The following PRR4 variants were observed in gnomAD, a reference collection of about 807,000 sequenced individuals.
The protein encoded by PRR4 is proline rich 4.
In PRR4, 7 loss-of-function variants were observed where a neutral mutation model predicts 7.6. The observed-to-expected ratio is 0.92, with a 90% CI of 0.52 to 1.73. PRR4 has a LOEUF of 1.73. Ranked by LOEUF, PRR4 falls within the 40% of genes most tolerant of loss-of-function variation. PRR4 has a pLI of 0.00. For synonymous variants in PRR4, 64 were observed against 58.5 expected (o/e 1.09, Z -0.43); for missense variants, 187 against 161.0 (o/e 1.16, Z -0.87).
chr12:10,847,661 G>GAA (rs200802133), intron 2 of PRR4, among the ~76,000 whole-genome samples: 11 of 123,700 alleles, frequency 8.9e-5, no homozygotes, highest in African/African-American at 2.9e-4. Flanking sequence ...TCCAAGGACA[G>GAA]AAAAAAAAAA....
At position 10,847,171 on chromosome 12, in the gene PRR4, G is replaced by A. The variant is rs1949029192; in HGVS notation, c.297C>T (p.His99=). ...GAAATCGGGGTAGAGAGAGTTGACGGTGTCCTCGTCGGGGTGGTCGTTGCT... is the reference window on the plus strand; with the variant it reads ...GAAATCGGGGTAGAGAGAGTTGACGATGTCCTCGTCGGGGTGGTCGTTGCT... ...QNQQRPPRRG[H]RQLSLPRFPS... Residue 99 remains histidine (H), a synonymous_variant, in exon 3 of 4, where the codon CAC becomes CAT. Coordinates refer to ENST00000228811, the MANE Select transcript of PRR4 (RefSeq NM_007244.3). The A allele has an allele frequency of 9.9e-6, 16 of 1,613,874 alleles. No homozygotes were observed. Among genetic ancestry groups the A allele is most frequent in the Non-Finnish European group, 1.4e-5 (16 of 1,179,902 alleles).
intron 2 of PRR4, 46 bp from the exon 3 acceptor site, chr12:10,847,413 A>G: frequency 7.2e-7 from 1 of 1,385,962 alleles, no homozygotes; most frequent in Non-Finnish European, 9.7e-7. Context: ...TCAGTGAAGA[A>G]AAACTCTCCT....
Position 10,847,306 on chromosome 12 carries a change from G to A in PRR4, c.162C>T (p.Leu54=), listed in dbSNP as rs771205189. 6.3e-7 allele frequency: 1 copy of A among 1,598,110 alleles called. No homozygotes were observed. The highest frequency in any genetic ancestry group is 1.1e-5 in the South Asian group (1 of 88,802). Residue 54 remains leucine (L), a synonymous_variant, in exon 3 of 4, where the codon CTC becomes CTT. Transcript: ENST00000228811. The stretch of plus-strand genomic sequence containing the variant: ...CACTATCACCAGGGGGTCTAGGTAG[G>A]AGTCCTTCAGGAGGAGGTCTCTGGG... The part of the protein sequence containing the change: ...QGPQRPPPEG[L]LPRPPGDSGN...
At chr12:10,849,233 G>T in intron 1 of PRR4, 141 bp downstream of exon 1, 1 of 417,694 alleles carries the variant, frequency 2.4e-6, no homozygotes, top group Non-Finnish European at 4.3e-6. Context: ...GAGCTCCAAA[G>T]CCCTACCCTT....
At chr12:10,847,397 A>C (rs745899434) in intron 2 of PRR4, 30 bp from the exon 3 acceptor site, 3 of 1,440,686 alleles carry the variant, frequency 2.1e-6, no homozygotes, top group Non-Finnish European at 2.8e-6. Context: ...ACAAGAATGC[A>C]TGAGCTCAGT....
At position 10,847,026 on chromosome 12, in the gene PRR4, G is replaced by C; in HGVS notation, c.*18+19C>G. On this transcript the variant is annotated intron_variant, in intron 3 of 3. Transcript: ENST00000228811. ...GGTAGCAGTTTGGGCATTTAATGGA[G>C]AATGAACTGGAATCATACCTGCCAC... The C allele has an allele frequency of 1.3e-6, 2 of 1,512,682 alleles. No individual in the cohort carries two copies. Among genetic ancestry groups the C allele is most frequent in the Non-Finnish European group, 1.8e-6 (2 of 1,123,356 alleles). The allele number at this position is 1,512,682 out of a possible 1,614,324, so 93.7% of individuals were successfully genotyped here. A position where few individuals can be genotyped will look rare whatever the true frequency, so the allele number is the denominator to read the frequency against.
chr12:10,849,241 C>T (rs780743762), intron 1 of PRR4, 133 bp downstream of exon 1: 11 of 438,596 alleles, frequency 2.5e-5, no homozygotes, highest in Non-Finnish European at 4.5e-5. Flanking sequence ...AAGCCCTACC[C>T]TTCTTCTCAA....
chr12:10,847,015 C>T lies in PRR4; in HGVS notation c.*18+30G>A, dbSNP rs138794458. 76 of 1,488,180 alleles carry T rather than the reference C, an allele frequency of 5.1e-5. 1 individual carries two copies. The African/African-American group carries it at 9.7e-4, about 19-fold the overall frequency. The allele number at this position is 1,488,180 out of a possible 1,614,324, so 92.2% of individuals were successfully genotyped here. On this transcript the variant is annotated intron_variant, in intron 3 of 3. Coordinates refer to ENST00000228811, the MANE Select transcript of PRR4 (RefSeq NM_007244.3). ...AGTTTGGGAATGGTAGCAGTTTGGG[C>T]ATTTAATGGAGAATGAACTGGAATC... is the stretch of plus-strand genomic sequence containing the variant.
rs764945991 is a variant in PRR4, at chr12:10,848,353, G to A, written c.100+19C>T. The A allele has an allele frequency of 1.3e-6, 2 of 1,595,468 alleles. No homozygotes were observed. Among genetic ancestry groups the A allele is most frequent in the Admixed American group, 3.4e-5 (2 of 59,636 alleles). ...GAAAAAGAAAGAAAAGAATTGGATT[G>A]AGGATCATTGGGATTTACCTGGTAT... is the stretch of plus-strand genomic sequence containing the variant. On this transcript the variant is annotated intron_variant, in intron 2 of 3. Transcript: ENST00000228811.
At chr12:10,849,172 A>C in intron 1 of PRR4, 1 of 282,296 alleles carries the variant, frequency 3.5e-6, no homozygotes. Flanking sequence ...CAAATAAAGT[A>C]TAAGGCCTTG....
chr12:10,847,163 A>G lies in PRR4; in HGVS notation c.305T>C (p.Leu102Pro). The stretch of plus-strand genomic sequence containing the variant: ...GACAGAAGGAAATCGGGGTAGAGAG[A>G]GTTGACGGTGTCCTCGTCGGGGTGG... ...QRPPRRGHRQLSLPRFPSVSL... is the reference protein window; with the variant it reads ...QRPPRRGHRQPSLPRFPSVSL... The change falls in exon 3 of 4, where the codon CTC becomes CCC. Residue 102 changes from leucine (L) to proline (P), a missense_variant. Transcript: ENST00000228811. 1 of 1,613,776 alleles carries G rather than the reference A, an allele frequency of 6.2e-7. No homozygotes were observed. The highest frequency in any genetic ancestry group is 8.5e-7 in the Non-Finnish European group (1 of 1,179,844).
At chr12:10,846,019 T>G (rs1205532099) in intron 3 of PRR4, 69 bp from the exon 4 acceptor site, 1 of 1,036,782 alleles carries the variant, frequency 9.6e-7, no homozygotes, top group African/African-American at 1.7e-5. Flanking sequence ...ATCTAATTCC[T>G]TGATGATATT....
intron 1 of PRR4, 172 bp downstream of exon 1, chr12:10,849,202 C>G (rs1949062642): frequency 2.8e-6 from 1 of 356,524 alleles, no homozygotes; most frequent in Non-Finnish European, 5.2e-6. Context: ...GAGGGCACAA[C>G]AGATGTCATC....
At chr12:10,849,263 C>T (rs1949063771) in intron 1 of PRR4, 111 bp downstream of exon 1, 1 of 499,516 alleles carries the variant, frequency 2.0e-6, no homozygotes, top group South Asian at 4.2e-5. Context: ...CTCCTTCCTC[C>T]CCTCCTGCTC....
chr12:10,846,087 G>A lies in PRR4; in HGVS notation c.*19-137C>T, dbSNP rs1949013454. 7 of 591,446 alleles carry A rather than the reference G, an allele frequency of 1.2e-5. No homozygotes were observed. In the East Asian group the frequency reaches 2.4e-4, roughly 20 times the overall value. The allele number at this position is 591,446 out of a possible 1,614,324, so 36.6% of individuals were successfully genotyped here. A position where few individuals can be genotyped will look rare whatever the true frequency, so the allele number is the denominator to read the frequency against. ...AAACAGATTTTTTTATGGTGTTTATGTTTTGGTTACTGTTCAAAACATTCA... is the reference window on the plus strand; with the variant it reads ...AAACAGATTTTTTTATGGTGTTTATATTTTGGTTACTGTTCAAAACATTCA... On this transcript the variant is annotated intron_variant, in intron 3 of 3. Coordinates refer to ENST00000228811, the MANE Select transcript of PRR4 (RefSeq NM_007244.3).
chr12:10,846,285 ATCTATAGGTC>A lies in PRR4; in HGVS notation c.*19-345_*19-336del, dbSNP rs1949015921. On this transcript the variant is annotated intron_variant, in intron 3 of 3. Coordinates refer to ENST00000228811, the MANE Select transcript of PRR4 (RefSeq NM_007244.3). ...AATGTACAAATAAATCACCAAGAAGATCTATAGGTCTCCGTGAAATGATAAAGTTGTCTAA... is the reference window on the plus strand; with the variant it reads ...AATGTACAAATAAATCACCAAGAAGATCCGTGAAATGATAAAGTTGTCTAA... 2.6e-5 allele frequency among the ~76,000 whole-genome samples: 4 copies of A among 152,334 alleles called. No homozygotes were observed. In the South Asian group the frequency reaches 6.2e-4, roughly 24 times the overall value.
chr12:10,847,209 G>T lies in PRR4; in HGVS notation c.259C>A (p.Pro87Thr), dbSNP rs371170074. ...GGHHRHPPPPPFQNQQRPPRR... is the reference protein window; with the variant it reads ...GGHHRHPPPPTFQNQQRPPRR... ...GGTGGTCGTTGCTGATTTTGAAAAG[G>T]AGGTGGGGGAGGATGGCGGTGATGG... Residue 87 changes from proline to threonine, a missense_variant, in exon 3 of 4, where the codon CCT becomes ACT. Physicochemically the swap from Pro to Thr is conservative, Grantham distance 38. Transcript: ENST00000228811. 2 of 1,613,776 alleles carry T rather than the reference G, an allele frequency of 1.2e-6. No individual in the cohort carries two copies. Among genetic ancestry groups the T allele is most frequent in the African/African-American group, 2.7e-5 (2 of 74,950 alleles).
rs1237969207 is a variant in PRR4 at position 10,848,376 on chromosome 12, T to C, written c.96A>G (p.Ile32Met). The C allele has an allele frequency of 6.2e-7, 1 of 1,609,016 alleles. No individual in the cohort carries two copies. Among genetic ancestry groups the C allele is most frequent in the Non-Finnish European group, 8.5e-7 (1 of 1,175,626 alleles). ...TTGAGGATCATTGGGATTTACCTGG[T>C]ATGGTGAAAGTAAAGTCTTCATAGT... is the stretch of plus-strand genomic sequence containing the variant. ...DVNYEDFTFT[I>M]PDVEDSSQRP... The change falls in exon 2 of 4, where the codon ATA becomes ATG. Residue 32 changes from isoleucine to methionine, a missense_variant. Transcript: ENST00000228811.
Position 10,845,957 on chromosome 12 carries a change from C to CAAAA in PRR4, c.*19-11_*19-8dup. 3.9e-6 allele frequency: 4 copies of CAAAA among 1,038,726 alleles called. No individual in the cohort carries two copies. Among genetic ancestry groups the CAAAA allele is most frequent in the South Asian group, 4.8e-5 (2 of 41,674 alleles). 64.3% of individuals were successfully genotyped at this position (1,038,726 alleles called of 1,614,324 possible). On this transcript the variant is annotated splice_region_variant and splice_polypyrimidine_tract_variant and intron_variant, in intron 3 of 3. Coordinates refer to ENST00000228811, the MANE Select transcript of PRR4 (RefSeq NM_007244.3). Reference sequence around the variant, plus strand: ...TTATCTTCTTATTTATTTTCTGAAACAAAAAAAAAAACCAAGGAAATTTAT... The same window carrying CAAAA: ...TTATCTTCTTATTTATTTTCTGAAACAAAAAAAAAAAAAAACCAAGGAAATTTAT...
Sources: allele counts gnomAD v4.1 joint callset (sites outside exome capture counted in the v4.1 genomes callset), GRCh38; gene constraint gnomAD v4.1.1; transcripts MANE v1.5; gene names NCBI Gene and HGNC (gene_info 2026-07-23, HGNC 2026-07-21).